The following CHRNA7 variants were observed in gnomAD, a reference collection of about 807,000 sequenced individuals.
CHRNA7 encodes the protein neuronal acetylcholine receptor subunit alpha-7.
Under a neutral mutation model 48.0 loss-of-function variants are expected in CHRNA7, and 17 were observed. The ratio of observed to expected loss-of-function variants is 0.35; its 90% confidence interval spans 0.24 to 0.53. The LOEUF (loss-of-function observed/expected upper bound fraction) is 0.53, where lower values mean the gene tolerates loss of function less well. CHRNA7 is among the 20% of genes least tolerant of loss of function. CHRNA7 has a pLI of 0.92. For missense variants in CHRNA7, 155 were observed against 577.7 expected (o/e 0.27, Z 7.50); for synonymous variants, 75 against 242.3 (o/e 0.31, Z 6.41).
At chr15:32,166,156 T>G (rs1158006535) in intron 9 of CHRNA7, 2 of 152,326 alleles carry the variant, frequency 1.3e-5, no homozygotes, top group Middle Eastern at 6.8e-3. Context: ...AACCACTTAC[T>G]TACTCATTGT....
chr15:32,073,508 T>C (rs2050089915), intron 2 of CHRNA7, among the ~76,000 whole-genome samples: 1 of 152,232 alleles, frequency 6.6e-6, no homozygotes, highest in Non-Finnish European at 1.5e-5. Context: ...GGGATGATTA[T>C]ATTTTGTAAT....
chr15:32,095,959 G>A (rs2050462102), intron 2 of CHRNA7, among the ~76,000 whole-genome samples: 2 of 152,178 alleles, frequency 1.3e-5, no homozygotes, highest in African/African-American at 2.4e-5. Context: ...GTACTTAGCT[G>A]TGTGACCTAG....
intron 4 of CHRNA7, among the ~76,000 whole-genome samples, chr15:32,133,494 A>T (rs1250816880): frequency 6.6e-6 from 1 of 152,146 alleles, no homozygotes; most frequent in Non-Finnish European, 1.5e-5. Context: ...GCGGGAGTAA[A>T]ACTCGTGCTT....
intron 2 of CHRNA7, among the ~76,000 whole-genome samples, chr15:32,075,729 T>G (rs1358644544): frequency 6.6e-6 from 1 of 151,980 alleles, no homozygotes; most frequent in East Asian, 1.9e-4. Context: ...TCCTTCATCC[T>G]TCTTGCTCTC....
Position 32,071,434 on chromosome 15 carries a change from T to C in CHRNA7, c.196-29869T>C, listed in dbSNP as rs563294506. ...TTTATTTCTTCTTTGATTCCTGTCATTGGTGTTTGTAATTTTCAATATACA... is the reference window on the plus strand; with the variant it reads ...TTTATTTCTTCTTTGATTCCTGTCACTGGTGTTTGTAATTTTCAATATACA... On this transcript the variant is annotated intron_variant, in intron 2 of 9. Transcript: ENST00000306901. Among the ~76,000 whole-genome samples, 6 of 152,358 alleles carry C rather than the reference T, an allele frequency of 3.9e-5. No homozygotes were observed. In the South Asian group the frequency reaches 6.2e-4, roughly 16 times the overall value.
intron 2 of CHRNA7, among the ~76,000 whole-genome samples, chr15:32,044,207 C>A (rs566368381): frequency 6.6e-6 from 1 of 152,124 alleles, no homozygotes; most frequent in East Asian, 1.9e-4. Context: ...TCCTTGGTTT[C>A]ATTCACAAGT....
At chr15:32,126,262 G>A (rs2051064851) in intron 4 of CHRNA7, among the ~76,000 whole-genome samples, 1 of 152,166 alleles carries the variant, frequency 6.6e-6, no homozygotes, top group Non-Finnish European at 1.5e-5. Flanking sequence ...TGCCTCTAAA[G>A]GTTATGACTA....
chr15:32,158,230 ATACTCTT>A, intron 6 of CHRNA7, 175 bp from the exon 7 acceptor site: 1 of 559,726 alleles, frequency 1.8e-6, no homozygotes, highest in Non-Finnish European at 2.8e-6. Flanking sequence ...TATCACTAAA[ATACTCTT>A]AACTCTATAG....
Position 32,041,273 on chromosome 15 carries a change from A to G in CHRNA7, c.195+10236A>G, listed in dbSNP as rs2049443717. On this transcript the variant is annotated intron_variant, in intron 2 of 9. Transcript: ENST00000306901. Reference sequence around the variant, plus strand: ...CCTTTCTCTACTTCAACAGTCCCCAACCTTTTTGACACCAGGGACCTGTTT... The same window carrying G: ...CCTTTCTCTACTTCAACAGTCCCCAGCCTTTTTGACACCAGGGACCTGTTT... Among the ~76,000 whole-genome samples, 5 of 152,136 alleles carry G rather than the reference A, an allele frequency of 3.3e-5. No homozygotes were observed. In the South Asian group the frequency reaches 1.0e-3, roughly 32 times the overall value.
intron 3 of CHRNA7, chr15:32,102,031 C>A (rs1368482978): frequency 2.0e-5 from 3 of 152,128 alleles, no homozygotes; most frequent in Admixed American, 1.3e-4. Context: ...TTAACGTAGT[C>A]CCTTTTTTCT....
intron 2 of CHRNA7, among the ~76,000 whole-genome samples, chr15:32,033,690 C>G (rs193217670): frequency 2.0e-5 from 3 of 152,208 alleles, no homozygotes; most frequent in Non-Finnish European, 2.9e-5. Flanking sequence ...CAGCTGAAAT[C>G]TCAGCGCTCT....
At chr15:32,056,325 G>A (rs1341619476) in intron 2 of CHRNA7, among the ~76,000 whole-genome samples, 1 of 152,020 alleles carries the variant, frequency 6.6e-6, no homozygotes, top group African/African-American at 2.4e-5. Context: ...TCTCATGTTT[G>A]TTTATAACCC....
rs1280341063 is a variant in CHRNA7 at position 32,071,840 on chromosome 15, T to C, written c.196-29463T>C. ...CCAAATAAGCCTCTTTTTTTTTTTTTCTCAATAAGTCAGTCTCAGGTATTC... is the reference window on the plus strand; with the variant it reads ...CCAAATAAGCCTCTTTTTTTTTTTTCCTCAATAAGTCAGTCTCAGGTATTC... On this transcript the variant is annotated intron_variant, in intron 2 of 9. Transcript: ENST00000306901. Among the ~76,000 whole-genome samples the C allele has an allele frequency of 6.4e-5, 9 of 141,598 alleles. No individual in the cohort carries two copies. The East Asian group carries it at 1.2e-3, about 20-fold the overall frequency. 92.9% of individuals were successfully genotyped at this position (141,598 alleles called of 152,430 possible).
chr15:32,092,868 G>T (rs1176812859), intron 2 of CHRNA7, among the ~76,000 whole-genome samples: 1 of 152,106 alleles, frequency 6.6e-6, no homozygotes, highest in Non-Finnish European at 1.5e-5. Flanking sequence ...CTCTAACTCA[G>T]TTCCTTAGAG....
At chr15:32,070,669 C>CTTTTTTTTTTTTTTTTTTTTTTTTT (rs71113441) in intron 2 of CHRNA7, among the ~76,000 whole-genome samples, 2 of 40,894 alleles carry the variant, frequency 4.9e-5, no homozygotes, top group African/African-American at 1.9e-4. Flanking sequence ...GGTTTAGTTC[C>CTTTTTTTTTTTTTTTTTTTTTTTTT]TTTTTTTTTT....
chr15:32,150,054 T>C (rs550169852), intron 4 of CHRNA7, among the ~76,000 whole-genome samples: 1 of 152,278 alleles, frequency 6.6e-6, no homozygotes, highest in South Asian at 2.1e-4. Flanking sequence ...ATTTATGTTT[T>C]TATTTTATTT....
rs186542023 is a variant in CHRNA7, at chr15:32,054,845, A to C, written c.195+23808A>C. ...TTTTGTCTGCTTTCAAGAACACTTC[A>C]AGGAATGTGTTACATGTCTTCTGAC... On this transcript the variant is annotated intron_variant, in intron 2 of 9. Coordinates refer to ENST00000306901, the MANE Select transcript of CHRNA7 (RefSeq NM_000746.6). 5.9e-5 allele frequency among the ~76,000 whole-genome samples: 9 copies of C among 152,246 alleles called. 1 individual carries two copies. The highest frequency in any genetic ancestry group is 1.2e-4 in the Non-Finnish European group (8 of 68,038).
chr15:32,054,608 A>C (rs147333643), intron 2 of CHRNA7, among the ~76,000 whole-genome samples: 2 of 152,198 alleles, frequency 1.3e-5, no homozygotes. Flanking sequence ...TACTTCAAAC[A>C]CCAAAGTCTA....
chr15:32,047,715 A>G (rs1474061845), intron 2 of CHRNA7, among the ~76,000 whole-genome samples: 1 of 152,192 alleles, frequency 6.6e-6, no homozygotes, highest in African/African-American at 2.4e-5. Flanking sequence ...TATGTTGAAT[A>G]GGAGTGGTGA....
Sources: allele counts gnomAD v4.1 joint callset (sites outside exome capture counted in the v4.1 genomes callset), GRCh38; gene constraint gnomAD v4.1.1; transcripts MANE v1.5; gene names NCBI Gene and HGNC (gene_info 2026-07-23, HGNC 2026-07-21).